The following MIB2 variants were observed in gnomAD, a reference collection of about 807,000 sequenced individuals.
The protein encoded by MIB2 is MIB E3 ubiquitin protein ligase 2.
In MIB2, 78 loss-of-function variants were observed where a neutral mutation model predicts 96.6. The observed-to-expected ratio is 0.81, with a 90% CI of 0.67 to 0.97. MIB2 has a LOEUF of 0.97. Ranked by LOEUF, MIB2 falls within the 50% of genes least tolerant of loss-of-function variation. The pLI, the probability that MIB2 is intolerant of heterozygous loss-of-function variation, is 0.00. For synonymous variants in MIB2, 820 were observed against 629.5 expected (o/e 1.30, Z -4.53); for missense variants, 1,543 against 1,424.0 (o/e 1.08, Z -1.35).
At position 1,626,236 on chromosome 1, in the gene MIB2, A is replaced by C. The variant is rs541435662; in HGVS notation, c.973-414A>C. The C allele has an allele frequency of 4.3e-5, 10 of 231,790 alleles. No individual in the cohort carries two copies. The highest frequency in any genetic ancestry group is 5.1e-5 in the Non-Finnish European group (6 of 118,664). 14.4% of individuals were successfully genotyped at this position (231,790 alleles called of 1,614,324 possible). A position where few individuals can be genotyped will look rare whatever the true frequency, so the allele number is the denominator to read the frequency against. ...AGGGAGTCATGAGACGGGCTTGTAGAGTGAGTTCCCTGCATATGAGGGCTC... is the reference window on the plus strand; with the variant it reads ...AGGGAGTCATGAGACGGGCTTGTAGCGTGAGTTCCCTGCATATGAGGGCTC... On this transcript the variant is annotated intron_variant, in intron 8 of 19. Coordinates refer to ENST00000355826, the MANE Select transcript of MIB2 (RefSeq NM_001170687.4). This position sits in a 1 kb window ranked among gnomAD's most constrained non-coding sequence, Gnocchi z 5.3.
In MIB2 at chr1:1,629,695, CTG is replaced by C. The variant is rs1042897523; in HGVS notation, c.2621_2622del (p.Leu874ProfsTer6). Reference protein sequence around the residue: ...IRCQVVVSKKLRPDGSEVASA... With the variant: ...IRCQVVVSKKXRPDGSEVASA... ...GTGCCAGGTGGTCGTCAGCAAGAAA[CTG>C]CGCCCAGGTGGGTGAGGCTCTGCGC... is the stretch of plus-strand genomic sequence containing the variant. On this transcript the variant is annotated frameshift_variant, in exon 19 of 20. Coordinates refer to ENST00000355826, the MANE Select transcript of MIB2 (RefSeq NM_001170687.4). LOFTEE classifies it high-confidence loss of function. 1 of 1,597,468 alleles carries C rather than the reference CTG, an allele frequency of 6.3e-7. No individual in the cohort carries two copies. Among genetic ancestry groups the C allele is most frequent in the African/African-American group, 1.4e-5 (1 of 73,792 alleles).
intron 2 of MIB2, chr1:1,618,268 C>T (rs1643927257): frequency 6.6e-6 from 1 of 152,356 alleles, no homozygotes; most frequent in Admixed American, 6.5e-5. Flanking sequence ...CCACGGGTCC[C>T]CTCCTCTGCA....
Position 1,630,601 on chromosome 1 carries a change from T to C in MIB2, c.*71T>C. On this transcript the variant is annotated 3_prime_UTR_variant, in exon 20 of 20. Coordinates refer to ENST00000355826, the MANE Select transcript of MIB2 (RefSeq NM_001170687.4). ...CTGTGTTTTATAAAAAGAAAGATTC[T>C]CGGACGTTGCCTCTGCTGTCTGCCT... 1.6e-6 allele frequency: 2 copies of C among 1,268,926 alleles called. No individual in the cohort carries two copies. Among genetic ancestry groups the C allele is most frequent in the Non-Finnish European group, 2.1e-6 (2 of 950,168 alleles). The allele number at this position is 1,268,926 out of a possible 1,614,324, so 78.6% of individuals were successfully genotyped here. A position where few individuals can be genotyped will look rare whatever the true frequency, so the allele number is the denominator to read the frequency against.
Position 1,626,658 on chromosome 1 carries a change from C to T in MIB2, c.981C>T (p.Ser327=), listed in dbSNP as rs769002345. ...CCCTCTTTGTCGCTCAGCACCACTC[C>T]TTCTGGGTGGGCGACGTGGTCCGGG... The part of the protein sequence containing the change: ...FHPGALTKHH[S]FWVGDVVRVI... The change falls in exon 9 of 20, where the codon TCC becomes TCT. Residue 327 remains serine (S), a synonymous_variant. Coordinates refer to ENST00000355826, the MANE Select transcript of MIB2 (RefSeq NM_001170687.4). This position sits in a 1 kb window ranked among gnomAD's most constrained non-coding sequence, Gnocchi z 5.3. The T allele has an allele frequency of 1.9e-6, 3 of 1,575,948 alleles. No homozygotes were observed. Among genetic ancestry groups the T allele is most frequent in the East Asian group, 2.2e-5 (1 of 44,500 alleles).
At chr1:1,621,053 T>C (rs909265677) in intron 2 of MIB2, among the ~76,000 whole-genome samples, 1 of 152,252 alleles carries the variant, frequency 6.6e-6, no homozygotes, top group Non-Finnish European at 1.5e-5. Context: ...GCTGCCGCTG[T>C]CACAGAAGCC....
At position 1,627,291 on chromosome 1, in the gene MIB2, G is replaced by A. The variant is rs1184470151; in HGVS notation, c.1375-5G>A. On this transcript the variant is annotated splice_polypyrimidine_tract_variant and splice_region_variant and intron_variant, in intron 11 of 19. Coordinates refer to ENST00000355826, the MANE Select transcript of MIB2 (RefSeq NM_001170687.4). ...CAGGGACTCACCTGCTGGCACTCTT[G>A]GCAGGTGGACACCAAGAACCAAGGC... The A allele has an allele frequency of 1.9e-6, 3 of 1,613,106 alleles. No homozygotes were observed. In the Admixed American group the frequency reaches 5.0e-5, roughly 27 times the overall value.
chr1:1,618,809 C>T (rs1643984219), intron 2 of MIB2: 1 of 152,450 alleles, frequency 6.6e-6, no homozygotes, highest in African/African-American at 2.4e-5. Context: ...AGCAGGTGCA[C>T]TCTGTCCCCT....
chr1:1,623,701 T>A lies in MIB2; in HGVS notation c.247+2T>A. On this transcript the variant is annotated splice_donor_variant, in intron 3 of 19. Transcript: ENST00000355826. LOFTEE classifies it high-confidence loss of function. ...TGCTGTACGACAACGCCCAGATCGG[T>A]GCGCGCCAAGGGCAGGCGGGACGGG... The A allele has an allele frequency of 3.9e-6, 6 of 1,520,528 alleles. No homozygotes were observed. The highest frequency in any genetic ancestry group is 5.3e-6 in the Non-Finnish European group (6 of 1,132,352). 94.2% of individuals were successfully genotyped at this position (1,520,528 alleles called of 1,614,324 possible).
At position 1,627,830 on chromosome 1, in the gene MIB2, G is replaced by A. The variant is rs1399279765; in HGVS notation, c.1680+1G>A. On this transcript the variant is annotated splice_donor_variant, in intron 13 of 19. Coordinates refer to ENST00000355826, the MANE Select transcript of MIB2 (RefSeq NM_001170687.4). LOFTEE classifies it high-confidence loss of function. ...GCGCGGCTGTGACGTCAACCTGCCC[G>A]TGAGTGCTGCTCCCTGGCCTGGGTG... 10 of 1,593,004 alleles carry A rather than the reference G, an allele frequency of 6.3e-6. No individual in the cohort carries two copies. The highest frequency in any genetic ancestry group is 4.3e-5 in the African/African-American group (3 of 69,548).
chr1:1,615,657 C>T (rs372007518), intron 1 of MIB2, 24 bp downstream of exon 1: 5 of 1,565,552 alleles, frequency 3.2e-6, no homozygotes, highest in Non-Finnish European at 3.5e-6. Context: ...CGGATCTCCT[C>T]CCCTGGTCCT....
chr1:1,627,829 C>G lies in MIB2; in HGVS notation c.1680C>G (p.Pro560=). 6.3e-7 allele frequency: 1 copy of G among 1,593,152 alleles called. No individual in the cohort carries two copies. Among genetic ancestry groups the G allele is most frequent in the Non-Finnish European group, 8.5e-7 (1 of 1,179,304 alleles). Residue 560 remains proline, a splice_region_variant and synonymous_variant, in exon 13 of 20, where the codon CCC becomes CCG. Transcript: ENST00000355826. Reference sequence around the variant, plus strand: ...AGCGCGGCTGTGACGTCAACCTGCCCGTGAGTGCTGCTCCCTGGCCTGGGT... The same window carrying G: ...AGCGCGGCTGTGACGTCAACCTGCCGGTGAGTGCTGCTCCCTGGCCTGGGT... ...LCERGCDVNL[P]DAHSDTPLHS...
chr1:1,614,613 T>C (rs533945371), upstream of MIB2: 3 of 152,398 alleles, frequency 2.0e-5, no homozygotes, highest in South Asian at 6.2e-4. Context: ...GCCTCTGGGT[T>C]TCCTTTCAGG....
chr1:1,615,494 G>A (rs768424869), upstream of MIB2: 8 of 1,527,062 alleles, frequency 5.2e-6, no homozygotes, highest in South Asian at 4.8e-5. Flanking sequence ...CGGGCCCTGG[G>A]CTCCCGCCCT....
intron 2 of MIB2, chr1:1,617,754 C>T (rs1010775766): frequency 1.3e-5 from 2 of 152,216 alleles, no homozygotes; most frequent in African/African-American, 2.4e-5. Context: ...GTCGATCTGT[C>T]GCCCGAGTCT....
At chr1:1,615,498 C>A, upstream of MIB2, 1 of 1,527,848 alleles carries the variant, frequency 6.5e-7, no homozygotes, top group East Asian at 2.5e-5. Context: ...CCCTGGGCTC[C>A]CGCCCTTCGG....
intron 2 of MIB2, among the ~76,000 whole-genome samples, chr1:1,622,507 C>T (rs1428662354): frequency 6.6e-6 from 1 of 152,212 alleles, no homozygotes; most frequent in Non-Finnish European, 1.5e-5. Flanking sequence ...CCATCCCTGC[C>T]TCCGGCAGCC....
Position 1,627,843 on chromosome 1 carries a change from C to T in MIB2, c.1680+14C>T. ...GTCAACCTGCCCGTGAGTGCTGCTC[C>T]CTGGCCTGGGTGCCCCCTGCCCGTG... On this transcript the variant is annotated intron_variant, in intron 13 of 19. Coordinates refer to ENST00000355826, the MANE Select transcript of MIB2 (RefSeq NM_001170687.4). The T allele has an allele frequency of 6.3e-7, 1 of 1,591,372 alleles. No individual in the cohort carries two copies. The highest frequency in any genetic ancestry group is 1.1e-5 in the South Asian group (1 of 89,940).
intron 16 of MIB2, 143 bp downstream of exon 16, chr1:1,628,865 C>T (rs1645077574): frequency 1.9e-5 from 16 of 822,134 alleles, no homozygotes; most frequent in Non-Finnish European, 2.8e-5. Context: ...AGATGGGAGC[C>T]AAGTTCTATG....
chr1:1,629,076 G>T, intron 16 of MIB2, 57 bp from the exon 17 acceptor site: 1 of 1,375,304 alleles, frequency 7.3e-7, no homozygotes. Context: ...GCCAGGAGAC[G>T]CCTCCCTCGG....
Sources: gnomAD v4.1 joint callset for allele counts (sites outside exome capture counted in the v4.1 genomes callset) on GRCh38, gnomAD v4.1.1 for gene constraint, Gnocchi (gnomAD v3.1) non-coding constraint, MANE v1.5 for transcripts, NCBI Gene and HGNC (gene_info 2026-07-23, HGNC 2026-07-21) for gene names.